The following TCF7L2 variants were observed in gnomAD, a reference collection of about 807,000 sequenced individuals.
TCF7L2 encodes transcription factor 7 like 2, also known as transcription factor 7-like 2.
Under a neutral mutation model 77.9 loss-of-function variants are expected in TCF7L2, and 23 were observed. That is an observed-to-expected ratio of 0.30 (90% CI 0.21 to 0.42). The LOEUF (loss-of-function observed/expected upper bound fraction) is 0.42, where lower values mean the gene tolerates loss of function less well. Among genes scored for constraint, TCF7L2 ranks in the 10% least tolerant of loss-of-function variants. The pLI, the probability that TCF7L2 is intolerant of heterozygous loss-of-function variation, is 1.00. For synonymous variants in TCF7L2, 413 were observed against 340.2 expected, an observed-to-expected ratio of 1.21 and a Z score of -2.36; for missense variants, 654 against 793.1, an observed-to-expected ratio of 0.82 and a Z score of 2.11.
chr10:113,144,778 T>TGGCA (rs2069024967), intron 7 of TCF7L2, among the ~76,000 whole-genome samples: 3 of 152,314 alleles, frequency 2.0e-5, no homozygotes, highest in Non-Finnish European at 2.9e-5. Flanking sequence ...TTGACTAACT[T>TGGCA]TTGCAACTTA....
rs189505643 is a variant in TCF7L2 at position 112,971,450 on chromosome 10, A to G, written c.450+6826A>G. 1.9e-3 allele frequency among the ~76,000 whole-genome samples: 296 copies of G among 152,188 alleles called. 2 individuals are homozygous for G. Among genetic ancestry groups the G allele is most frequent in the African/African-American group, 7.0e-3 (290 of 41,524 alleles). ...CAGCCTTTTGAGTAGCTGGGATTAC[A>G]GGTGTGCACCACCACACCTGGCTAA... On this transcript the variant is annotated intron_variant, in intron 4 of 13. Transcript: ENST00000627217.
chr10:112,987,122 C>T (rs2041692947), intron 4 of TCF7L2, among the ~76,000 whole-genome samples: 1 of 152,184 alleles, frequency 6.6e-6, no homozygotes, highest in Admixed American at 6.5e-5. Context: ...ACTTACCGAG[C>T]ATCTTCTGGT....
rs2137126339 is a variant in TCF7L2, at chr10:113,150,998, G to A, written c.876G>A (p.Arg292=). The A allele has an allele frequency of 6.2e-7, 1 of 1,613,494 alleles. No individual in the cohort carries two copies. The highest frequency in any genetic ancestry group is 2.2e-5 in the East Asian group (1 of 44,852). ...ATTTACACAGCTTTCTGTCTTCTAG[G>A]TTCCCTCCCCATATGGTCCCACCAC... Residue 292 remains arginine, a splice_region_variant and synonymous_variant, in exon 9 of 14, where the codon AGG becomes AGA. Coordinates refer to ENST00000627217, the MANE Select transcript of TCF7L2 (RefSeq NM_001146274.2).
intron 2 of TCF7L2, 42 bp from the exon 3 acceptor site, chr10:112,951,440 TC>T: frequency 7.3e-7 from 1 of 1,368,214 alleles, no homozygotes; most frequent in Non-Finnish European, 9.7e-7. Flanking sequence ...TCTCTCCCGC[TC>T]CGCGCGGCCG....
chr10:113,053,491 C>T (rs931968277), intron 5 of TCF7L2, among the ~76,000 whole-genome samples: 4 of 152,126 alleles, frequency 2.6e-5, no homozygotes, highest in African/African-American at 9.7e-5. Flanking sequence ...AGCTTTTTGT[C>T]ATGCACTGTC....
At chr10:113,108,652 G>T (rs2062728557) in intron 5 of TCF7L2, among the ~76,000 whole-genome samples, 1 of 152,288 alleles carries the variant, frequency 6.6e-6, no homozygotes, top group East Asian at 1.9e-4. Context: ...GCAGCACCGC[G>T]GGGCGCCCCC....
chr10:113,122,001 A>G (rs1326042771), intron 5 of TCF7L2, among the ~76,000 whole-genome samples: 19 of 152,218 alleles, frequency 1.2e-4, no homozygotes, highest in Admixed American at 1.1e-3. Flanking sequence ...ACTGTAAATC[A>G]AAGGAATATA....
intron 4 of TCF7L2, among the ~76,000 whole-genome samples, chr10:112,972,623 A>G (rs1024564454): frequency 6.6e-6 from 1 of 152,088 alleles, no homozygotes; most frequent in Non-Finnish European, 1.5e-5. Context: ...GGTATGCATC[A>G]CCACACCTGG....
chr10:113,027,738 C>T (rs2049446012), intron 4 of TCF7L2, among the ~76,000 whole-genome samples: 1 of 152,066 alleles, frequency 6.6e-6, no homozygotes, highest in African/African-American at 2.4e-5. Context: ...ATTATCTTGC[C>T]TCTTCTTTTC....
At chr10:112,953,064 C>G (rs938925406) in intron 3 of TCF7L2, among the ~76,000 whole-genome samples, 1 of 152,150 alleles carries the variant, frequency 6.6e-6, no homozygotes, top group African/African-American at 2.4e-5. Flanking sequence ...ACCCACTGTT[C>G]AGCAGCCATG....
At chr10:113,101,857 A>AAAAAAAAAAAAT (rs2061681030) in intron 5 of TCF7L2, among the ~76,000 whole-genome samples, 1 of 143,526 alleles carries the variant, frequency 7.0e-6, no homozygotes, top group African/African-American at 2.6e-5. Context: ...AAAAAAAAAA[A>AAAAAAAAAAAAT]GAGAGGTGTG....
At chr10:112,972,554 C>G (rs1248098065) in intron 4 of TCF7L2, among the ~76,000 whole-genome samples, 1 of 152,166 alleles carries the variant, frequency 6.6e-6, no homozygotes, top group Non-Finnish European at 1.5e-5. Context: ...ACTGCAGCCT[C>G]GACCTCCCTG....
chr10:113,097,348 A>C (rs1321950510), intron 5 of TCF7L2, among the ~76,000 whole-genome samples: 9 of 152,182 alleles, frequency 5.9e-5, no homozygotes, highest in Admixed American at 5.9e-4. Flanking sequence ...TCCTCTTGCC[A>C]GTTGTAGAAG....
chr10:113,043,706 C>T (rs539578987), intron 5 of TCF7L2, among the ~76,000 whole-genome samples: 9 of 152,180 alleles, frequency 5.9e-5, no homozygotes, highest in South Asian at 2.1e-4. Flanking sequence ...GTCCTATTTT[C>T]GCATTCATAT....
chr10:113,136,690 G>C (rs528644523), intron 5 of TCF7L2, among the ~76,000 whole-genome samples: 70 of 152,322 alleles, frequency 4.6e-4, no homozygotes, highest in Non-Finnish European at 8.4e-4. Context: ...GAGATAAAAG[G>C]GGGAGGGAAT....
chr10:113,073,868 G>A (rs7079673), intron 5 of TCF7L2, among the ~76,000 whole-genome samples: 24,114 of 152,156 alleles, frequency 0.16, 2,192 homozygotes, highest in Middle Eastern at 0.24. Context: ...CTCCATGTGC[G>A]AGTTGCTGGC....
chr10:112,951,226 C>A lies in TCF7L2; in HGVS notation c.209C>A (p.Pro70His). ...GGGAAGGCGGAAAGACGGCCTCCGC[C>A]TCGCTCCGAAAGTTTCCGAGACAAA... Residue 70 changes from proline (P) to histidine (H), a missense_variant, in exon 2 of 14, where the codon CCT becomes CAT. This residue lies in a region of TCF7L2 where 132 missense variants were observed against 123.7 expected (regional missense o/e 1.07). Transcript: ENST00000627217. The A allele has an allele frequency of 6.3e-7, 1 of 1,583,476 alleles. No individual in the cohort carries two copies.
chr10:113,166,713 A>T lies in TCF7L2; in HGVS notation c.*741A>T, dbSNP rs1400446974. 2 of 229,656 alleles carry T rather than the reference A, an allele frequency of 8.7e-6. No homozygotes were observed. Among genetic ancestry groups the T allele is most frequent in the Non-Finnish European group, 1.7e-5 (2 of 116,078 alleles). The allele number at this position is 229,656 out of a possible 1,614,324, so 14.2% of individuals were successfully genotyped here. A position where few individuals can be genotyped will look rare whatever the true frequency, so the allele number is the denominator to read the frequency against. On this transcript the variant is annotated 3_prime_UTR_variant, in exon 14 of 14. Transcript: ENST00000627217. Reference sequence around the variant, plus strand: ...TTTCCTTTTTCTTGAAACTGTATAAAGTTTTTTTCCCCCTTAGCATAAGCA... The same window carrying T: ...TTTCCTTTTTCTTGAAACTGTATAATGTTTTTTTCCCCCTTAGCATAAGCA...
intron 12 of TCF7L2, 65 bp from the exon 14 acceptor site, chr10:113,159,855 C>A (rs1373181014): frequency 2.7e-6 from 1 of 370,532 alleles, no homozygotes; most frequent in Admixed American, 3.2e-5. Context: ...CTCTTTCTCT[C>A]TCTCTCTCTC....
Sources: allele counts gnomAD v4.1 joint callset (sites outside exome capture counted in the v4.1 genomes callset), GRCh38; gene constraint gnomAD v4.1.1; regional missense constraint gnomAD v4.1.1; transcripts MANE v1.5; gene names NCBI Gene and HGNC (gene_info 2026-07-23, HGNC 2026-07-21).